Variants in NBEAL1 observed in about 807,000 individuals in gnomAD.
NBEAL1 encodes the protein neurobeachin like 1, also known as neurobeachin-like protein 1.
In NBEAL1, 273 loss-of-function variants were observed where a neutral mutation model predicts 351.3. The ratio of observed to expected loss-of-function variants is 0.78; its 90% CI spans 0.70 to 0.86. NBEAL1 has a LOEUF of 0.86. Among genes scored for constraint, NBEAL1 ranks in the 40% least tolerant of loss-of-function variants. The pLI is 0.00. For missense variants in NBEAL1, 2,961 were observed against 3,201.3 expected (o/e 0.92, Z 1.81); for synonymous variants, 1,050 against 1,086.4 (o/e 0.97, Z 0.66).
intron 2 of NBEAL1, among the ~76,000 whole-genome samples, chr2:203,021,108 A>T (rs1449049015): frequency 2.0e-5 from 3 of 151,980 alleles, no homozygotes; most frequent in Admixed American, 2.0e-4. Context: ...TTGTATTTTT[A>T]GTAGTGACGG....
intron 44 of NBEAL1, among the ~76,000 whole-genome samples, 176 bp from the exon 45 acceptor site, chr2:203,188,296 T>C (rs1324731158): frequency 6.6e-6 from 1 of 152,172 alleles, no homozygotes; most frequent in African/African-American, 2.4e-5. Context: ...GAATAGTTAA[T>C]ATATGTAGTA....
intron 20 of NBEAL1, among the ~76,000 whole-genome samples, 179 bp downstream of exon 20, chr2:203,125,699 G>C (rs1030780182): frequency 2.0e-5 from 3 of 152,162 alleles, no homozygotes; most frequent in Non-Finnish European, 4.4e-5. Flanking sequence ...AAAAACGACA[G>C]ATTAATCTCC....
chr2:203,213,076 G>A (rs374110116), intron 54 of NBEAL1, among the ~76,000 whole-genome samples: 1 of 152,186 alleles, frequency 6.6e-6, no homozygotes, highest in East Asian at 1.9e-4. Flanking sequence ...TCCTTACTTT[G>A]TCTCTCACCT....
intron 53 of NBEAL1, 95 bp from the exon 54 acceptor site, chr2:203,210,863 C>G: frequency 1.6e-6 from 1 of 610,964 alleles, no homozygotes; most frequent in Non-Finnish European, 2.6e-6. Flanking sequence ...AAATGTTAAG[C>G]CAAATAATTA....
chr2:203,201,862 CT>C, intron 50 of NBEAL1, 147 bp downstream of exon 50: 1 of 546,956 alleles, frequency 1.8e-6, no homozygotes, highest in East Asian at 3.0e-5. Flanking sequence ...TAAATATATA[CT>C]TTCTATAGGA....
intron 48 of NBEAL1, among the ~76,000 whole-genome samples, chr2:203,198,873 A>G (rs2065312219): frequency 6.6e-6 from 1 of 151,600 alleles, no homozygotes; most frequent in Non-Finnish European, 1.5e-5. Flanking sequence ...AAAAAAAAAA[A>G]TTGGACAAGT....
intron 42 of NBEAL1, among the ~76,000 whole-genome samples, chr2:203,176,119 TTA>T (rs1053606117): frequency 6.6e-6 from 1 of 152,096 alleles, no homozygotes; most frequent in Non-Finnish European, 1.5e-5. Flanking sequence ...AAAAATTCAT[TTA>T]GTCATAAAAT....
Position 203,193,878 on chromosome 2 carries a change from A to G in NBEAL1, c.7005A>G (p.Gln2335=), listed in dbSNP as rs778418402. ...ACACTTCAACCCTAAACCTGTTTCA[A>G]CACCTTCCTGAACTCAAGTCATTTT... ...KIDTSTLNLF[Q]HLPELKSFFI... Residue 2335 remains glutamine, a synonymous_variant, in exon 47 of 56, where the codon CAA becomes CAG. Transcript: ENST00000683969. 1.2e-6 allele frequency: 2 copies of G among 1,609,818 alleles called. No individual in the cohort carries two copies. The highest frequency in any genetic ancestry group is 2.2e-5 in the South Asian group (2 of 90,432).
intron 31 of NBEAL1, among the ~76,000 whole-genome samples, chr2:203,142,114 C>T (rs945219231): frequency 2.0e-5 from 3 of 152,138 alleles, no homozygotes; most frequent in African/African-American, 2.4e-5. Context: ...TAGGGCATCA[C>T]CCATAGTAAT....
At chr2:203,078,894 A>G (rs548599558) in intron 8 of NBEAL1, among the ~76,000 whole-genome samples, 7 of 152,346 alleles carry the variant, frequency 4.6e-5, no homozygotes, top group Middle Eastern at 6.8e-3. Flanking sequence ...TCTGTGACAT[A>G]GTAATATGTG....
chr2:203,166,322 T>C, intron 37 of NBEAL1, 25 bp downstream of exon 37: 1 of 1,589,474 alleles, frequency 6.3e-7, no homozygotes, highest in Non-Finnish European at 8.5e-7. Context: ...AAAAAATAAT[T>C]TTTGCTGTTC....
intron 39 of NBEAL1, among the ~76,000 whole-genome samples, chr2:203,170,992 T>C (rs1975211): frequency 0.89 from 135,014 of 152,244 alleles, 60,906 homozygotes; most frequent in Non-Finnish European, 0.96. Context: ...TTAGGCCACA[T>C]GCAGTGGCTC....
At chr2:203,202,645 C>A in intron 50 of NBEAL1, 42 bp from the exon 51 acceptor site, 1 of 1,147,346 alleles carries the variant, frequency 8.7e-7, no homozygotes, top group Non-Finnish European at 1.3e-6. Flanking sequence ...TCTATTTTAG[C>A]AAAACGAGGC....
intron 51 of NBEAL1, among the ~76,000 whole-genome samples, chr2:203,205,112 G>C (rs2065517188): frequency 6.6e-6 from 1 of 152,070 alleles, no homozygotes; most frequent in Non-Finnish European, 1.5e-5. Context: ...ATTTAGTATA[G>C]TGTTTGCTGT....
intron 24 of NBEAL1, among the ~76,000 whole-genome samples, chr2:203,129,045 T>C (rs142435354): frequency 4.3e-4 from 65 of 152,306 alleles, no homozygotes; most frequent in African/African-American, 1.4e-3. Flanking sequence ...CCTAACCAAC[T>C]TTACCTGAAA....
intron 41 of NBEAL1, 75 bp downstream of exon 41, chr2:203,172,928 C>A: frequency 7.2e-7 from 1 of 1,382,256 alleles, no homozygotes; most frequent in South Asian, 1.7e-5. Flanking sequence ...CTATGGCCAA[C>A]CAAAAAAATT....
At chr2:203,074,080 G>A (rs1052900275) in intron 7 of NBEAL1, among the ~76,000 whole-genome samples, 3 of 152,156 alleles carry the variant, frequency 2.0e-5, no homozygotes, top group Non-Finnish European at 4.4e-5. Context: ...AAATGGCTAA[G>A]AGAGTAGCTA....
intron 31 of NBEAL1, among the ~76,000 whole-genome samples, chr2:203,142,091 A>G (rs1476654226): frequency 6.6e-6 from 1 of 152,166 alleles, no homozygotes; most frequent in African/African-American, 2.4e-5. Context: ...GGAGCATTCT[A>G]AAAATACCTA....
intron 12 of NBEAL1, 22 bp from the exon 13 acceptor site, chr2:203,107,398 A>G (rs1468596958): frequency 1.6e-6 from 2 of 1,231,206 alleles, no homozygotes; most frequent in Non-Finnish European, 2.3e-6. Flanking sequence ...GTACTTTGAT[A>G]TATTGTCTTC....
Sources: allele counts gnomAD v4.1 joint callset (sites outside exome capture counted in the v4.1 genomes callset), GRCh38; gene constraint gnomAD v4.1.1; transcripts MANE v1.5; gene names NCBI Gene and HGNC (gene_info 2026-07-23, HGNC 2026-07-21).